GSE1: variants seen among roughly 807,000 people sequenced by gnomAD.
GSE1 encodes the protein Gse1 coiled-coil protein, also known as genetic suppressor element 1.
Under a neutral mutation model 112.6 loss-of-function variants are expected in GSE1, and 32 were observed. The observed-to-expected ratio is 0.28, with a 90% CI of 0.21 to 0.38. The LOEUF is 0.38. GSE1 is among the 10% of genes least tolerant of loss of function. The pLI is 1.00. For missense variants in GSE1, 2,348 were observed against 1,699.2 expected, an observed-to-expected ratio of 1.38 and a Z score of -6.71; for synonymous variants, 1,115 against 735.6, an observed-to-expected ratio of 1.52 and a Z score of -8.35.
At chr16:85,189,025 C>T (rs548537724) in intron 1 of GSE1, among the ~76,000 whole-genome samples, 1 of 152,286 alleles carries the variant, frequency 6.6e-6, no homozygotes, top group South Asian at 2.1e-4. Flanking sequence ...GTTATAGACA[C>T]ATTTCCCTGC....
chr16:85,657,422 G>A lies in GSE1; in HGVS notation c.1458G>A (p.Leu486=). Residue 486 remains leucine (L), a synonymous_variant, in exon 8 of 16, where the codon CTG becomes CTA. Coordinates refer to ENST00000253458, the MANE Select transcript of GSE1 (RefSeq NM_014615.5). ...CTAGCAGCAGTGCTGCCACAGCCCTGCTGATCCAGCGCACCAATGAGGAGG... is the reference window on the plus strand; with the variant it reads ...CTAGCAGCAGTGCTGCCACAGCCCTACTGATCCAGCGCACCAATGAGGAGG... ...SLPSSSAATA[L]LIQRTNEEEK... The A allele has an allele frequency of 6.2e-7, 1 of 1,612,762 alleles. No homozygotes were observed. The highest frequency in any genetic ancestry group is 1.1e-5 in the South Asian group (1 of 90,996).
intron 2 of GSE1, among the ~76,000 whole-genome samples, chr16:85,512,119 T>A (rs573590643): frequency 6.6e-6 from 1 of 152,168 alleles, no homozygotes; most frequent in African/African-American, 2.4e-5. Context: ...TAAGGAGCAC[T>A]GTTCTGCGAG....
At position 85,178,061 on chromosome 16, in the gene GSE1, G is replaced by T. The variant is rs375797427; in HGVS notation, c.2283+6254G>T. On this transcript the variant is annotated intron_variant, in intron 1 of 2. Transcript: ENST00000637419. ...GACATCAGGCATCCCCTGACCTCAG[G>T]GTGCTGGTGGGCGATGAGAGGTTGA... Among the ~76,000 whole-genome samples the T allele has an allele frequency of 8.2e-4, 125 of 152,334 alleles. 2 individuals carry two copies. Among genetic ancestry groups the T allele is most frequent in the South Asian group, 7.7e-3 (37 of 4,826 alleles).
chr16:85,233,204 G>C (rs1419821877), intron 1 of GSE1, among the ~76,000 whole-genome samples: 1 of 152,294 alleles, frequency 6.6e-6, no homozygotes, highest in Non-Finnish European at 1.5e-5. Flanking sequence ...TGCCTGCAAA[G>C]GCGAGGTGTC....
chr16:85,554,779 G>C (rs191588665), upstream of GSE1: 10 of 644,592 alleles, frequency 1.6e-5, no homozygotes, highest in Middle Eastern at 7.9e-4. Flanking sequence ...CAGTCGTGGG[G>C]GGGGAGGGAG....
intron 1 of GSE1, among the ~76,000 whole-genome samples, chr16:85,277,637 G>C (rs1027224144): frequency 2.0e-5 from 3 of 152,242 alleles, no homozygotes; most frequent in Non-Finnish European, 4.4e-5. Context: ...ACCTGGAAGA[G>C]CCCCTGGGCT....
chr16:85,279,802 A>G (rs1334173404), intron 1 of GSE1, among the ~76,000 whole-genome samples: 1 of 151,608 alleles, frequency 6.6e-6, no homozygotes, highest in African/African-American at 2.4e-5. Flanking sequence ...AATTCTCAGG[A>G]CTGTCTGTCC....
At chr16:85,213,593 C>G (rs924766606) in intron 1 of GSE1, among the ~76,000 whole-genome samples, 1 of 152,258 alleles carries the variant, frequency 6.6e-6, no homozygotes, top group Non-Finnish European at 1.5e-5. Context: ...CGTGTCCGGG[C>G]TATGGCTCCT....
chr16:85,203,294 TG>T (rs2075061525), intron 1 of GSE1, among the ~76,000 whole-genome samples: 1 of 152,118 alleles, frequency 6.6e-6, no homozygotes, highest in East Asian at 1.9e-4. Context: ...AGCGCCAGGC[TG>T]GGCAGGTGGG....
intron 1 of GSE1, among the ~76,000 whole-genome samples, chr16:85,260,450 G>C (rs1191203955): frequency 6.7e-6 from 1 of 148,934 alleles, no homozygotes; most frequent in Non-Finnish European, 1.5e-5. Flanking sequence ...AGCGTCCCAA[G>C]TCGCTGGGAT....
chr16:85,480,988 C>A (rs541340173), intron 2 of GSE1, among the ~76,000 whole-genome samples: 1 of 152,362 alleles, frequency 6.6e-6, no homozygotes, highest in African/African-American at 2.4e-5. Flanking sequence ...GCGTGTGCTG[C>A]CTTTGCTCTG....
intron 2 of GSE1, among the ~76,000 whole-genome samples, chr16:85,498,013 C>G (rs2051237967): frequency 6.6e-6 from 1 of 150,700 alleles, no homozygotes; most frequent in African/African-American, 2.4e-5. Context: ...ACCACCGTGC[C>G]TGTGTGCTCC....
At chr16:85,366,983 G>A (rs1235097232) in intron 2 of GSE1, among the ~76,000 whole-genome samples, 1 of 152,210 alleles carries the variant, frequency 6.6e-6, no homozygotes, top group Admixed American at 6.5e-5. Context: ...AGGGACCCCA[G>A]GGACAGAGCC....
At chr16:85,664,732 C>G in intron 11 of GSE1, 1 of 341,154 alleles carries the variant, frequency 2.9e-6, no homozygotes, top group Non-Finnish European at 5.4e-6. Flanking sequence ...TCGCACGTCA[C>G]CACCGAGGTC....
intron 2 of GSE1, among the ~76,000 whole-genome samples, chr16:85,363,383 T>C (rs2047123024): frequency 6.6e-6 from 1 of 152,194 alleles, no homozygotes; most frequent in Non-Finnish European, 1.5e-5. Flanking sequence ...CACCCAGAGA[T>C]CCCTTGTTCT....
intron 1 of GSE1, among the ~76,000 whole-genome samples, chr16:85,343,669 G>T: frequency 6.6e-6 from 1 of 152,182 alleles, no homozygotes; most frequent in East Asian, 1.9e-4. Flanking sequence ...AGGATCGCTT[G>T]AGCCCAGGAG....
chr16:85,449,849 A>G (rs746455715), intron 2 of GSE1, among the ~76,000 whole-genome samples: 1 of 152,210 alleles, frequency 6.6e-6, no homozygotes, highest in Admixed American at 6.5e-5. Flanking sequence ...GATGACAACA[A>G]TAATCATCAT....
intron 2 of GSE1, among the ~76,000 whole-genome samples, chr16:85,391,614 T>C (rs570134825): frequency 3.0e-4 from 45 of 152,274 alleles, no homozygotes; most frequent in African/African-American, 9.1e-4. Flanking sequence ...TCCCCTCTTT[T>C]TATAAGGACG....
intron 1 of GSE1, among the ~76,000 whole-genome samples, chr16:85,567,615 G>A (rs894923767): frequency 2.0e-5 from 3 of 152,198 alleles, no homozygotes; most frequent in Admixed American, 6.5e-5. Context: ...AAAGCTGCAC[G>A]GCCTTTTAGG....
Sources: allele counts gnomAD v4.1 joint callset (sites outside exome capture counted in the v4.1 genomes callset), GRCh38; gene constraint gnomAD v4.1.1; transcripts MANE v1.5; gene names NCBI Gene and HGNC (gene_info 2026-07-23, HGNC 2026-07-21).